The following LUZP2 variants were observed in gnomAD, a reference collection of about 807,000 sequenced individuals.
LUZP2 encodes leucine zipper protein 2.
Under a neutral mutation model 51.6 loss-of-function variants are expected in LUZP2, and 52 were observed. That is an observed-to-expected ratio of 1.01 (90% CI 0.81 to 1.27). The LOEUF is 1.27. Ranked by LOEUF, LUZP2 falls within the 50% of genes most tolerant of loss-of-function variation. The pLI is 0.00. For synonymous variants in LUZP2, 154 were observed against 137.3 expected (o/e 1.12, Z -0.85); for missense variants, 436 against 395.4 (o/e 1.10, Z -0.87).
chr11:24,659,036 A>C (rs1341043425), intron 1 of LUZP2, among the ~76,000 whole-genome samples: 1 of 152,214 alleles, frequency 6.6e-6, no homozygotes, highest in Non-Finnish European at 1.5e-5. Flanking sequence ...ATCTAGAACT[A>C]GAAATACCAT....
chr11:24,848,575 G>A (rs1329026737), intron 5 of LUZP2, among the ~76,000 whole-genome samples: 1 of 151,940 alleles, frequency 6.6e-6, no homozygotes, highest in Non-Finnish European at 1.5e-5. Context: ...TAGTTATGCT[G>A]TTTCTCTTTT....
intron 9 of LUZP2, among the ~76,000 whole-genome samples, chr11:25,005,687 T>G: frequency 6.6e-6 from 1 of 152,212 alleles, no homozygotes; most frequent in South Asian, 2.1e-4. Context: ...ATAGTTGTGC[T>G]CACCGACGCA....
intron 1 of LUZP2, among the ~76,000 whole-genome samples, chr11:24,670,007 C>A (rs1856351334): frequency 1.3e-5 from 2 of 151,886 alleles, no homozygotes; most frequent in African/African-American, 4.8e-5. Flanking sequence ...TTAAAAAAAA[C>A]TAAAACATAT....
chr11:24,543,852 T>C (rs1250786756), intron 1 of LUZP2, among the ~76,000 whole-genome samples: 8 of 119,840 alleles, frequency 6.7e-5, no homozygotes, highest in Admixed American at 5.8e-4. Flanking sequence ...AAAAGATGGA[T>C]CAAGGGACTG....
intron 1 of LUZP2, among the ~76,000 whole-genome samples, chr11:24,721,970 A>G (rs1005577361): frequency 2.6e-5 from 4 of 152,220 alleles, no homozygotes; most frequent in African/African-American, 9.6e-5. Flanking sequence ...ATTAAATAAT[A>G]TAGAAACTGA....
At chr11:24,601,226 A>G (rs1451922133) in intron 1 of LUZP2, among the ~76,000 whole-genome samples, 1 of 152,034 alleles carries the variant, frequency 6.6e-6, no homozygotes, top group Non-Finnish European at 1.5e-5. Context: ...CTACCCACAA[A>G]TGGAATGAAT....
intron 1 of LUZP2, among the ~76,000 whole-genome samples, chr11:24,522,539 TTCTTAGTA>T (rs1481996798): frequency 1.3e-5 from 2 of 152,108 alleles, no homozygotes; most frequent in East Asian, 3.9e-4. Flanking sequence ...AGTCTTAGGC[TTCTTAGTA>T]TCCTGTATAG....
In LUZP2 at chr11:24,729,222, G is replaced by A. The variant is rs1213985891; in HGVS notation, c.116G>A (p.Ser39Asn). The change falls in exon 2 of 12, where the codon AGC becomes AAC. Residue 39 changes from serine to asparagine, a missense_variant. Transcript: ENST00000336930. ...CTGAAAGAAGTCTTTAAGGAGCGAAGCACCATTCTTCGTCAGCTGACAAAG... is the reference window on the plus strand; with the variant it reads ...CTGAAAGAAGTCTTTAAGGAGCGAAACACCATTCTTCGTCAGCTGACAAAG... ...KQLKEVFKER[S>N]TILRQLTKTS... 7 of 1,579,012 alleles carry A rather than the reference G, an allele frequency of 4.4e-6. No homozygotes were observed. In the East Asian group the frequency reaches 1.4e-4, roughly 31 times the overall value.
intron 1 of LUZP2, among the ~76,000 whole-genome samples, chr11:24,720,157 G>C (rs1054399558): frequency 2.6e-5 from 4 of 151,940 alleles, no homozygotes; most frequent in South Asian, 2.1e-4. Flanking sequence ...TCCCACAAAG[G>C]ATTTGCAGGC....
At chr11:24,742,055 AAT>A (rs1491532551) in intron 4 of LUZP2, among the ~76,000 whole-genome samples, 2 of 114,266 alleles carry the variant, frequency 1.8e-5, no homozygotes, top group African/African-American at 6.8e-5. Context: ...AAATAAATAT[AAT>A]TATATATATA....
At chr11:24,984,524 T>TTA (rs1209500084) in intron 9 of LUZP2, among the ~76,000 whole-genome samples, 4 of 90,084 alleles carry the variant, frequency 4.4e-5, no homozygotes, top group African/African-American at 1.6e-4. Flanking sequence ...ATTACATATT[T>TTA]TATATATATA....
In LUZP2 at chr11:24,501,514, C is replaced by A. The variant is rs79742696; in HGVS notation, c.62+4209C>A. 8.8e-3 allele frequency among the ~76,000 whole-genome samples: 1,345 copies of A among 152,250 alleles called. 64 individuals carry two copies. The East Asian group carries it at 0.15, about 17-fold the overall frequency. On this transcript the variant is annotated intron_variant, in intron 1 of 11. Coordinates refer to ENST00000336930, the MANE Select transcript of LUZP2 (RefSeq NM_001009909.4). The stretch of plus-strand genomic sequence containing the variant: ...TGTGTGTTATAAGAAACTATGTGTG[C>A]GGCTGTTTCTCAGTGACTTCTAGAA...
At chr11:24,779,285 T>C (rs1013382191) in intron 5 of LUZP2, among the ~76,000 whole-genome samples, 5 of 152,170 alleles carry the variant, frequency 3.3e-5, no homozygotes, top group African/African-American at 1.2e-4. Context: ...TATCAACTAT[T>C]TTCTCCCTCA....
chr11:24,886,267 A>G (rs1254740499), intron 5 of LUZP2, among the ~76,000 whole-genome samples: 2 of 152,184 alleles, frequency 1.3e-5, no homozygotes, highest in Admixed American at 6.6e-5. Flanking sequence ...TTCTAATTTT[A>G]AAGATAATAT....
intron 1 of LUZP2, among the ~76,000 whole-genome samples, chr11:24,529,069 G>A (rs1234581865): frequency 6.6e-6 from 1 of 150,912 alleles, no homozygotes; most frequent in Admixed American, 6.6e-5. Flanking sequence ...GGCACTTGCT[G>A]TCCTTTAATA....
At chr11:24,531,700 C>T (rs183248278) in intron 1 of LUZP2, among the ~76,000 whole-genome samples, 34 of 150,940 alleles carry the variant, frequency 2.3e-4, no homozygotes, top group Admixed American at 6.6e-4. Flanking sequence ...TCTACGCTGG[C>T]TCATTTTGTT....
chr11:24,710,393 C>A (rs932283543), intron 1 of LUZP2, among the ~76,000 whole-genome samples: 1 of 152,066 alleles, frequency 6.6e-6, no homozygotes, highest in Non-Finnish European at 1.5e-5. Flanking sequence ...TCCTATCAGT[C>A]ACCAAGCAGA....
At chr11:24,994,783 T>C (rs1253049802) in intron 9 of LUZP2, among the ~76,000 whole-genome samples, 1 of 152,212 alleles carries the variant, frequency 6.6e-6, no homozygotes, top group Non-Finnish European at 1.5e-5. Context: ...ATTTAATCTT[T>C]AAAATGTCCT....
At chr11:25,000,061 A>G (rs958562003) in intron 9 of LUZP2, among the ~76,000 whole-genome samples, 1 of 152,018 alleles carries the variant, frequency 6.6e-6, no homozygotes, top group Non-Finnish European at 1.5e-5. Flanking sequence ...CATTTTACAG[A>G]GTGCTGATTG....
Sources: allele counts gnomAD v4.1 joint callset (sites outside exome capture counted in the v4.1 genomes callset), GRCh38; gene constraint gnomAD v4.1.1; transcripts MANE v1.5; gene names NCBI Gene and HGNC (gene_info 2026-07-23, HGNC 2026-07-21).